RAP2A: variants seen among roughly 807,000 people sequenced by gnomAD.
RAP2A encodes the protein RAP2A, member of RAS oncogene family.
RAP2A carries 5 observed loss-of-function variants against 15.1 expected under a neutral mutation model. The observed-to-expected ratio is 0.33, with a 90% CI of 0.17 to 0.70. RAP2A has a LOEUF of 0.70. Among genes scored for constraint, RAP2A ranks in the 30% least tolerant of loss-of-function variants. The pLI is 0.68. For synonymous variants in RAP2A, 110 were observed against 99.7 expected (o/e 1.10, Z -0.62); for missense variants, 111 against 240.3 (o/e 0.46, Z 3.56).
chr13:97,445,592 C>A (rs960527925), intron 1 of RAP2A, among the ~76,000 whole-genome samples: 1 of 152,180 alleles, frequency 6.6e-6, no homozygotes, highest in African/African-American at 2.4e-5. Flanking sequence ...TATGTCTGTT[C>A]TTGCTGGATG....
chr13:97,464,527 A>C lies in RAP2A; in HGVS notation c.*85A>C. 1 of 1,240,846 alleles carries C rather than the reference A, an allele frequency of 8.1e-7. No individual in the cohort carries two copies. Among genetic ancestry groups the C allele is most frequent in the Non-Finnish European group, 1.2e-6 (1 of 853,820 alleles). 76.9% of individuals were successfully genotyped at this position (1,240,846 alleles called of 1,614,324 possible). On this transcript the variant is annotated 3_prime_UTR_variant, in exon 2 of 2. Coordinates refer to ENST00000245304, the MANE Select transcript of RAP2A (RefSeq NM_021033.7). ...GCCTACTCCACTGCAGAACTTGCAG[A>C]ATGCGTGGTGTTAATCTACAGAGAA... is the stretch of plus-strand genomic sequence containing the variant.
intron 1 of RAP2A, among the ~76,000 whole-genome samples, chr13:97,447,249 A>T (rs144758747): frequency 6.6e-6 from 1 of 152,224 alleles, no homozygotes; most frequent in African/African-American, 2.4e-5. Flanking sequence ...TTAAGAATGT[A>T]GTGTATTATG....
intron 1 of RAP2A, 64 bp downstream of exon 1, chr13:97,434,848 T>C: frequency 1.3e-6 from 2 of 1,581,698 alleles, no homozygotes; most frequent in Non-Finnish European, 1.7e-6. Context: ...GGGCTGGAAC[T>C]CCCCGCGCGG....
chr13:97,464,544 T>G lies in RAP2A; in HGVS notation c.*102T>G. On this transcript the variant is annotated 3_prime_UTR_variant, in exon 2 of 2. Transcript: ENST00000245304. ...ACTTGCAGAATGCGTGGTGTTAATCTACAGAGAACTGCAGCCCTTATTCAG... is the reference window on the plus strand; with the variant it reads ...ACTTGCAGAATGCGTGGTGTTAATCGACAGAGAACTGCAGCCCTTATTCAG... The G allele has an allele frequency of 9.6e-7, 1 of 1,043,832 alleles. No homozygotes were observed. 64.7% of individuals were successfully genotyped at this position (1,043,832 alleles called of 1,614,324 possible). A position where few individuals can be genotyped will look rare whatever the true frequency, so the allele number is the denominator to read the frequency against.
rs908114854 is a variant in RAP2A, at chr13:97,456,007, G to A, written c.315-8198G>A. ...TTTCTCCCACTCTCTTCGGGACTGA[G>A]GGCCCATTTCCCAGTTCTCTAGCCA... On this transcript the variant is annotated intron_variant, in intron 1 of 1. Coordinates refer to ENST00000245304, the MANE Select transcript of RAP2A (RefSeq NM_021033.7). Among the ~76,000 whole-genome samples, 7 of 151,382 alleles carry A rather than the reference G, an allele frequency of 4.6e-5. No individual in the cohort carries two copies. In the East Asian group the frequency reaches 1.3e-3, roughly 29 times the overall value.
In RAP2A at chr13:97,434,533, G is replaced by A; in HGVS notation, c.63G>A (p.Val21=). Residue 21 remains valine, a synonymous_variant, in exon 1 of 2, where the codon GTG becomes GTA. Transcript: ENST00000245304. ...GGGTAGGCAAATCCGCCCTGACCGT[G>A]CAGTTCGTGACCGGCACCTTCATCG... ...SGGVGKSALT[V]QFVTGTFIEK... 1 of 1,613,994 alleles carries A rather than the reference G, an allele frequency of 6.2e-7. No individual in the cohort carries two copies. Among genetic ancestry groups the A allele is most frequent in the Admixed American group, 1.7e-5 (1 of 60,012 alleles).
intron 1 of RAP2A, among the ~76,000 whole-genome samples, chr13:97,455,119 TTC>T (rs2066717574): frequency 2.6e-5 from 4 of 151,646 alleles, no homozygotes; most frequent in East Asian, 1.9e-4. Context: ...TCAATCTTTT[TTC>T]TCTCATTTAT....
At chr13:97,452,517 C>T (rs541997870) in intron 1 of RAP2A, among the ~76,000 whole-genome samples, 3 of 151,220 alleles carry the variant, frequency 2.0e-5, no homozygotes, top group East Asian at 1.9e-4. Context: ...ATTTTTGTAA[C>T]TTTATAGTAA....
chr13:97,460,300 A>T (rs1029107238), intron 1 of RAP2A, among the ~76,000 whole-genome samples: 2 of 152,232 alleles, frequency 1.3e-5, no homozygotes, highest in African/African-American at 4.8e-5. Flanking sequence ...AGTGCTAAGC[A>T]CTCAGCAATT....
intron 1 of RAP2A, among the ~76,000 whole-genome samples, chr13:97,461,723 G>C (rs2066746619): frequency 6.6e-6 from 1 of 151,984 alleles, no homozygotes; most frequent in Non-Finnish European, 1.5e-5. Flanking sequence ...CAGCACTTTG[G>C]GAGGCTGAGG....
intron 1 of RAP2A, among the ~76,000 whole-genome samples, chr13:97,457,984 A>C (rs1180345964): frequency 6.6e-6 from 1 of 152,158 alleles, no homozygotes; most frequent in Non-Finnish European, 1.5e-5. Context: ...AGTTCCTTAT[A>C]TACAAGTAAA....
intron 1 of RAP2A, among the ~76,000 whole-genome samples, chr13:97,450,931 T>C (rs1362121316): frequency 6.6e-6 from 1 of 152,210 alleles, no homozygotes; most frequent in African/African-American, 2.4e-5. Context: ...ATAGATCTAA[T>C]AGTGAAGGAA....
At chr13:97,438,228 A>G (rs1340447565) in intron 1 of RAP2A, among the ~76,000 whole-genome samples, 1 of 152,220 alleles carries the variant, frequency 6.6e-6, no homozygotes, top group Non-Finnish European at 1.5e-5. Flanking sequence ...AACATGATAT[A>G]CAAGGCCTCT....
At chr13:97,449,438 T>C (rs1274410882) in intron 1 of RAP2A, among the ~76,000 whole-genome samples, 1 of 152,180 alleles carries the variant, frequency 6.6e-6, no homozygotes, top group Non-Finnish European at 1.5e-5. Flanking sequence ...CATCCAGTAA[T>C]TCCTGTTCTG....
At chr13:97,455,051 G>A (rs2066717191) in intron 1 of RAP2A, among the ~76,000 whole-genome samples, 2 of 151,230 alleles carry the variant, frequency 1.3e-5, no homozygotes, top group East Asian at 1.9e-4. Context: ...ATCTTTGTCT[G>A]TAGTTTCAAA....
chr13:97,453,267 A>G (rs1173796297), intron 1 of RAP2A, among the ~76,000 whole-genome samples: 1 of 151,188 alleles, frequency 6.6e-6, no homozygotes, highest in Admixed American at 6.6e-5. Context: ...ATCTTGCAAA[A>G]CTGTAGTACA....
At chr13:97,453,541 T>C (rs917820316) in intron 1 of RAP2A, among the ~76,000 whole-genome samples, 2 of 151,392 alleles carry the variant, frequency 1.3e-5, no homozygotes, top group Admixed American at 1.3e-4. Flanking sequence ...ATCCAAGGTG[T>C]TGTGTGTATC....
chr13:97,438,483 G>A (rs2066643442), intron 1 of RAP2A, among the ~76,000 whole-genome samples: 1 of 152,066 alleles, frequency 6.6e-6, no homozygotes, highest in South Asian at 2.1e-4. Flanking sequence ...TTATACCGGA[G>A]GTTGCAAATG....
Position 97,434,459 on chromosome 13 carries a change from C to G in RAP2A, c.-12C>G, listed in dbSNP as rs779271791. 2.5e-6 allele frequency: 4 copies of G among 1,577,462 alleles called. No homozygotes were observed. In the South Asian group the frequency reaches 3.5e-5, roughly 14 times the overall value. Reference sequence around the variant, plus strand: ...CGCGGGCGGCGGCGGCGGCGGCGGCCGCGGAGGGACGATGCGCGAGTACAA... The same window carrying G: ...CGCGGGCGGCGGCGGCGGCGGCGGCGGCGGAGGGACGATGCGCGAGTACAA... On this transcript the variant is annotated 5_prime_UTR_variant, in exon 1 of 2. Coordinates refer to ENST00000245304, the MANE Select transcript of RAP2A (RefSeq NM_021033.7).
Sources: gnomAD v4.1 joint callset for allele counts (sites outside exome capture counted in the v4.1 genomes callset) on GRCh38, gnomAD v4.1.1 for gene constraint, MANE v1.5 for transcripts, NCBI Gene and HGNC (gene_info 2026-07-23, HGNC 2026-07-21) for gene names.